The following CFAP221 variants were observed in gnomAD, a reference collection of about 807,000 sequenced individuals.
CFAP221 encodes cilia- and flagella-associated protein 221.
In CFAP221, 97 loss-of-function variants were observed where a neutral mutation model predicts 113.1. That is an observed-to-expected ratio of 0.86 (90% confidence interval 0.73 to 1.02). The LOEUF (loss-of-function observed/expected upper bound fraction) is 1.02. CFAP221 is among the 50% of genes least tolerant of loss of function. CFAP221 has a pLI of 0.00. For synonymous variants in CFAP221, 331 were observed against 354.4 expected (o/e 0.93, Z 0.74); for missense variants, 1,025 against 1,013.4 (o/e 1.01, Z -0.16).
In CFAP221 at chr2:119,656,344, G is replaced by T. The variant is rs1202156429; in HGVS notation, c.2415-18G>T. On this transcript the variant is annotated intron_variant, in intron 23 of 23. Coordinates refer to ENST00000413369, the MANE Select transcript of CFAP221 (RefSeq NM_001271049.2). ...TTAAGTGTCCTCATGTTTCCTTCTT[G>T]GGTTTTTTGATACTCAGAGAAGTGA... 2.5e-6 allele frequency: 4 copies of T among 1,606,626 alleles called. No homozygotes were observed. Among genetic ancestry groups the T allele is most frequent in the Non-Finnish European group, 3.4e-6 (4 of 1,173,262 alleles).
chr2:119,559,733 AC>A lies in CFAP221; in HGVS notation c.290del (p.Pro97ArgfsTer11). On this transcript the variant is annotated frameshift_variant, in exon 4 of 24. Coordinates refer to ENST00000413369, the MANE Select transcript of CFAP221 (RefSeq NM_001271049.2). LOFTEE classifies it high-confidence loss of function. ...SNEDTRVHIL[P>X]PQTKYFEINY... ...ATGAAGACACACGTGTTCATATTTT[AC>A]CCCCGCAAACCAAATACTTTGAGAT... 6.5e-7 allele frequency: 1 copy of A among 1,532,256 alleles called. No individual in the cohort carries two copies. The highest frequency in any genetic ancestry group is 2.4e-5 in the East Asian group (1 of 40,864). The allele number at this position is 1,532,256 out of a possible 1,614,324, so 94.9% of individuals were successfully genotyped here.
chr2:119,606,516 C>T (rs1181408856), intron 11 of CFAP221, among the ~76,000 whole-genome samples: 1 of 152,064 alleles, frequency 6.6e-6, no homozygotes, highest in East Asian at 1.9e-4. Context: ...GTTATGGTCC[C>T]GCCTCAGTTA....
chr2:119,597,011 A>G (rs1353619055), intron 7 of CFAP221, among the ~76,000 whole-genome samples: 1 of 152,082 alleles, frequency 6.6e-6, no homozygotes, highest in Non-Finnish European at 1.5e-5. Flanking sequence ...CTGTGTAAGA[A>G]CTCAAGCGGG....
chr2:119,545,656 A>G (rs542663834), intron 1 of CFAP221, among the ~76,000 whole-genome samples: 164 of 152,364 alleles, frequency 1.1e-3, no homozygotes, highest in African/African-American at 3.5e-3. Flanking sequence ...AAAGGCTTCC[A>G]TAGTCAAATA....
chr2:119,638,488 G>T, intron 20 of CFAP221, 71 bp downstream of exon 20: 1 of 1,569,272 alleles, frequency 6.4e-7, no homozygotes, highest in Non-Finnish European at 8.7e-7. Context: ...CAAGGACAGG[G>T]TCACAGCTGG....
intron 13 of CFAP221, among the ~76,000 whole-genome samples, chr2:119,614,200 TG>T (rs1487795414): frequency 6.6e-6 from 1 of 152,244 alleles, no homozygotes; most frequent in African/African-American, 2.4e-5. Flanking sequence ...ATCAGCATTT[TG>T]GGCAAAGCCA....
chr2:119,622,396 A>G (rs1377235872), intron 14 of CFAP221, among the ~76,000 whole-genome samples: 2 of 152,182 alleles, frequency 1.3e-5, no homozygotes, highest in Non-Finnish European at 2.9e-5. Flanking sequence ...ACCAAAAAAA[A>G]GCCCAGGACC....
intron 6 of CFAP221, chr2:119,572,525 A>G: frequency 1.4e-6 from 1 of 698,382 alleles, no homozygotes. Context: ...ATGTTAATTC[A>G]TCATGCTCTG....
rs1574140948 is a variant in CFAP221, at chr2:119,615,713, A to C, written c.1410+4A>C. On this transcript the variant is annotated splice_donor_region_variant and intron_variant, in intron 14 of 23. Coordinates refer to ENST00000413369, the MANE Select transcript of CFAP221 (RefSeq NM_001271049.2). ...GTTTCAACAAGTAGCACGCAAGGTAAGTCTCAGCACCAGCTGGAAATGTTG... is the reference window on the plus strand; with the variant it reads ...GTTTCAACAAGTAGCACGCAAGGTACGTCTCAGCACCAGCTGGAAATGTTG... 1 of 1,599,682 alleles carries C rather than the reference A, an allele frequency of 6.3e-7. No individual in the cohort carries two copies. Among genetic ancestry groups the C allele is most frequent in the Non-Finnish European group, 8.6e-7 (1 of 1,168,840 alleles).
intron 6 of CFAP221, among the ~76,000 whole-genome samples, chr2:119,570,334 T>C (rs1427750742): frequency 6.6e-6 from 1 of 152,260 alleles, no homozygotes; most frequent in African/African-American, 2.4e-5. Context: ...CTCTTTCTGA[T>C]TTCACAGCAT....
intron 11 of CFAP221, among the ~76,000 whole-genome samples, chr2:119,605,984 T>C (rs568138355): frequency 6.6e-6 from 1 of 152,204 alleles, no homozygotes; most frequent in South Asian, 2.1e-4. Flanking sequence ...TAGTAACTGA[T>C]AAATGAACAA....
At chr2:119,593,312 C>T (rs1342014096) in intron 7 of CFAP221, among the ~76,000 whole-genome samples, 1 of 152,074 alleles carries the variant, frequency 6.6e-6, no homozygotes, top group African/African-American at 2.4e-5. Flanking sequence ...CACCTCAGTG[C>T]TTGTGTTAGT....
intron 6 of CFAP221, chr2:119,572,649 C>T: frequency 1.5e-6 from 1 of 682,224 alleles, no homozygotes; most frequent in Non-Finnish European, 2.7e-6. Flanking sequence ...ACCAAGATGA[C>T]TTTAACCAAT....
At position 119,627,875 on chromosome 2, in the gene CFAP221, C is replaced by T; in HGVS notation, c.1650+89C>T. The T allele has an allele frequency of 2.0e-6, 3 of 1,497,534 alleles. No homozygotes were observed. In the South Asian group the frequency reaches 3.7e-5, roughly 18 times the overall value. 92.8% of individuals were successfully genotyped at this position (1,497,534 alleles called of 1,614,324 possible). A position where few individuals can be genotyped will look rare whatever the true frequency, so the allele number is the denominator to read the frequency against. On this transcript the variant is annotated intron_variant, in intron 16 of 23. Transcript: ENST00000413369. The stretch of plus-strand genomic sequence containing the variant: ...AGGCAAGCCCTACCTCAGTCTCAGT[C>T]CCTTCACCTCCTCCCAGAGGCTCCA...
intron 11 of CFAP221, 68 bp downstream of exon 11, chr2:119,605,357 A>G: frequency 8.1e-7 from 1 of 1,228,002 alleles, no homozygotes; most frequent in Admixed American, 1.9e-5. Flanking sequence ...TCTTTTATAA[A>G]TGAGAGACAG....
At chr2:119,559,841 T>TGG in intron 4 of CFAP221, 66 bp downstream of exon 4, 1 of 1,466,586 alleles carries the variant, frequency 6.8e-7, no homozygotes, top group African/African-American at 1.4e-5. Context: ...CTGTGTGGGG[T>TGG]GGGGGGTGTG....
chr2:119,563,525 C>T (rs1384825704), intron 6 of CFAP221, among the ~76,000 whole-genome samples: 2 of 152,126 alleles, frequency 1.3e-5, no homozygotes, highest in Non-Finnish European at 2.9e-5. Context: ...CCCCACCTAC[C>T]TGGACTCTCC....
chr2:119,619,580 G>A (rs919453909), intron 14 of CFAP221, among the ~76,000 whole-genome samples: 6 of 152,126 alleles, frequency 3.9e-5, no homozygotes, highest in Admixed American at 1.3e-4. Context: ...AACCCCATCC[G>A]AAGGTCACCA....
At chr2:119,637,371 C>A (rs2012663) in intron 19 of CFAP221, among the ~76,000 whole-genome samples, 2 of 152,176 alleles carry the variant, frequency 1.3e-5, no homozygotes, top group Non-Finnish European at 2.9e-5. Context: ...ATCTGGGTGC[C>A]GGAATGCATT....
Sources: allele counts gnomAD v4.1 joint callset (sites outside exome capture counted in the v4.1 genomes callset), GRCh38; gene constraint gnomAD v4.1.1; transcripts MANE v1.5; gene names NCBI Gene and HGNC (gene_info 2026-07-23, HGNC 2026-07-21).